PRMT8: variants seen among roughly 807,000 people sequenced by gnomAD.
PRMT8 encodes the protein protein arginine N-methyltransferase 8.
In PRMT8, 7 loss-of-function variants were observed where a neutral mutation model predicts 47.1. The ratio of observed to expected loss-of-function variants is 0.15; its 90% CI spans 0.08 to 0.28. The LOEUF (loss-of-function observed/expected upper bound fraction) is 0.28, where lower values mean the gene tolerates loss of function less well. Among genes scored for constraint, PRMT8 ranks in the 10% least tolerant of loss-of-function variants. PRMT8 has a pLI of 1.00. For missense variants in PRMT8, 237 were observed against 505.4 expected (o/e 0.47, Z 5.09); for synonymous variants, 188 against 186.5 (o/e 1.01, Z -0.07).
intron 1 of PRMT8, among the ~76,000 whole-genome samples, chr12:3,457,308 A>AT (rs1048829800): frequency 5.3e-5 from 8 of 151,312 alleles, no homozygotes; most frequent in South Asian, 2.1e-4. Context: ...TGCTAAGCAT[A>AT]TTTTTTTTTC....
chr12:3,429,052 C>G (rs1239068004), intron 1 of PRMT8, among the ~76,000 whole-genome samples: 1 of 152,128 alleles, frequency 6.6e-6, no homozygotes, highest in Non-Finnish European at 1.5e-5. Flanking sequence ...TTGACCCCAT[C>G]TTTGTCTCTA....
At chr12:3,468,316 C>T (rs1209243230) in intron 1 of PRMT8, among the ~76,000 whole-genome samples, 1 of 152,138 alleles carries the variant, frequency 6.6e-6, no homozygotes, top group Admixed American at 6.5e-5. Context: ...AGCAGCCATT[C>T]CCATCGGCCA....
At chr12:3,468,234 G>A (rs1865123321) in intron 1 of PRMT8, among the ~76,000 whole-genome samples, 1 of 152,170 alleles carries the variant, frequency 6.6e-6, no homozygotes, top group African/African-American at 2.4e-5. Context: ...CTGTGATCGT[G>A]TTTCCTAATG....
chr12:3,399,864 G>GTCTGA (rs1194528939), intron 1 of PRMT8, among the ~76,000 whole-genome samples: 2 of 152,230 alleles, frequency 1.3e-5, no homozygotes, highest in African/African-American at 4.8e-5. Context: ...GAGCATGTGA[G>GTCTGA]TCTGATTCTT....
chr12:3,437,203 A>G (rs1238456774), intron 1 of PRMT8, among the ~76,000 whole-genome samples: 2 of 152,038 alleles, frequency 1.3e-5, no homozygotes, highest in Non-Finnish European at 2.9e-5. Flanking sequence ...AAAGAAAAAT[A>G]TATATTTATA....
At chr12:3,534,072 A>C (rs1465402021) in intron 1 of PRMT8, among the ~76,000 whole-genome samples, 1 of 152,242 alleles carries the variant, frequency 6.6e-6, no homozygotes, top group South Asian at 2.1e-4. Context: ...GGCGGTGGGC[A>C]AAAGAGTGGG....
rs1867118830 is a variant in PRMT8, at chr12:3,583,869, T to C, written c.979+661T>C. ...TGGCCGAGCCCTGTCCCGTCGCTGC[T>C]ACCCCACAGGTGGCCCAGCTACACC... On this transcript the variant is annotated intron_variant, in intron 8 of 9. Coordinates refer to ENST00000382622, the MANE Select transcript of PRMT8 (RefSeq NM_019854.5). This position sits in a 1 kb window ranked among gnomAD's most constrained non-coding sequence, Gnocchi z 4.7. 6.6e-6 allele frequency among the ~76,000 whole-genome samples: 1 copy of C among 152,234 alleles called. No individual in the cohort carries two copies. Among genetic ancestry groups the C allele is most frequent in the South Asian group, 2.1e-4 (1 of 4,832 alleles).
chr12:3,513,156 A>G (rs1408252838), intron 1 of PRMT8, among the ~76,000 whole-genome samples: 2 of 152,210 alleles, frequency 1.3e-5, no homozygotes, highest in East Asian at 3.8e-4. Flanking sequence ...GATAGAGTGA[A>G]GCTGGAAAAG....
chr12:3,562,185 T>C (rs1246168107), intron 4 of PRMT8, among the ~76,000 whole-genome samples: 3 of 152,144 alleles, frequency 2.0e-5, no homozygotes, highest in Non-Finnish European at 4.4e-5. Flanking sequence ...ACTTGACTAA[T>C]AACCATATCA....
At chr12:3,450,722 T>A (rs1488579932) in intron 1 of PRMT8, among the ~76,000 whole-genome samples, 1 of 152,250 alleles carries the variant, frequency 6.6e-6, no homozygotes, top group African/African-American at 2.4e-5. Context: ...TGCTTTGATA[T>A]GTTTTATGTG....
chr12:3,480,873 C>T (rs975894996), intron 1 of PRMT8, among the ~76,000 whole-genome samples: 17 of 152,140 alleles, frequency 1.1e-4, no homozygotes, highest in Non-Finnish European at 1.5e-4. Flanking sequence ...GGCTTTCTTC[C>T]AGAATCTCCT....
At chr12:3,489,739 T>C (rs1865356017), upstream of PRMT8, among the ~76,000 whole-genome samples, 1 of 152,068 alleles carries the variant, frequency 6.6e-6, no homozygotes, top group East Asian at 1.9e-4. Context: ...CCCCCAACTC[T>C]AACCCAGGTC....
intron 4 of PRMT8, among the ~76,000 whole-genome samples, chr12:3,555,272 G>A (rs904441318): frequency 1.1e-4 from 16 of 152,224 alleles, no homozygotes; most frequent in African/African-American, 3.1e-4. Context: ...CTGACAGGAC[G>A]GAGAGAGACC....
At chr12:3,545,694 A>G (rs1027301568) in intron 2 of PRMT8, among the ~76,000 whole-genome samples, 1 of 152,226 alleles carries the variant, frequency 6.6e-6, no homozygotes, top group African/African-American at 2.4e-5. Context: ...TGGTACCCAG[A>G]ACTCCAGAAA....
intron 1 of PRMT8, among the ~76,000 whole-genome samples, chr12:3,476,956 G>T (rs185572024): frequency 9.3e-4 from 142 of 152,346 alleles, no homozygotes; most frequent in African/African-American, 3.1e-3. Context: ...ATTTTAGAGA[G>T]AATCCGTATC....
chr12:3,593,108 G>A lies in PRMT8; in HGVS notation c.1111G>A (p.Asp371Asn), dbSNP rs867638529. ...TCTCTCTGCCTTGCAGCGAGACCTC[G>A]ATTTCACAGTAGACTTGGATTTTAA... ...KPNAKNVRDLDFTVDLDFKGQ... is the reference protein window; with the variant it reads ...KPNAKNVRDLNFTVDLDFKGQ... Residue 371 changes from aspartate to asparagine, a missense_variant, in exon 10 of 10, where the codon GAT (aspartate) becomes AAT (asparagine). Transcript: ENST00000382622. This position sits in a 1 kb window ranked among gnomAD's most constrained non-coding sequence, Gnocchi z 4.8. 3.1e-6 allele frequency: 5 copies of A among 1,614,058 alleles called. No individual in the cohort carries two copies. Among genetic ancestry groups the A allele is most frequent in the Non-Finnish European group, 4.2e-6 (5 of 1,179,972 alleles).
At chr12:3,507,230 T>C (rs1314970101) in intron 1 of PRMT8, among the ~76,000 whole-genome samples, 2 of 150,296 alleles carry the variant, frequency 1.3e-5, no homozygotes, top group Admixed American at 1.3e-4. Flanking sequence ...CACGCCATTC[T>C]CCTGCCTCAG....
intron 1 of PRMT8, among the ~76,000 whole-genome samples, chr12:3,519,174 G>A (rs1024075961): frequency 1.3e-5 from 2 of 152,042 alleles, no homozygotes; most frequent in Non-Finnish European, 2.9e-5. Context: ...TCAGCTCGTG[G>A]CCAGAGAGAG....
At chr12:3,381,449 C>T in intron 1 of PRMT8, 1 of 1,535,946 alleles carries the variant, frequency 6.5e-7, no homozygotes, top group South Asian at 1.2e-5. Flanking sequence ...TTCTGTAAGT[C>T]AGCTTGTATG....
Sources: allele counts gnomAD v4.1 joint callset (sites outside exome capture counted in the v4.1 genomes callset), GRCh38; gene constraint gnomAD v4.1.1; non-coding constraint Gnocchi (gnomAD v3.1); transcripts MANE v1.5; gene names NCBI Gene and HGNC (gene_info 2026-07-23, HGNC 2026-07-21).